The following ELAC2 variants were observed in gnomAD, a reference collection of about 807,000 sequenced individuals.
ELAC2 encodes the protein zinc phosphodiesterase ELAC protein 2.
A neutral mutation model predicts 105.2 loss-of-function variants in ELAC2; 92 were observed. The ratio of observed to expected loss-of-function variants is 0.87; its 90% CI spans 0.74 to 1.04. The LOEUF (loss-of-function observed/expected upper bound fraction) is 1.04, where lower values mean the gene tolerates loss of function less well. ELAC2 is among the 50% of genes least tolerant of loss of function. The probability of loss-of-function intolerance (pLI) is 0.00; values close to 1 mark genes in which losing one functional copy is unlikely to be tolerated. For missense variants in ELAC2, 1,099 were observed against 1,071.7 expected (o/e 1.03, Z -0.36); for synonymous variants, 468 against 409.1 (o/e 1.14, Z -1.74).
intron 16 of ELAC2, among the ~76,000 whole-genome samples, chr17:12,998,152 C>T (rs1018698979): frequency 6.6e-6 from 1 of 152,180 alleles, no homozygotes; most frequent in South Asian, 2.1e-4. Context: ...AATTTCTTAG[C>T]TAGGTGTACT....
chr17:13,012,848 T>C (rs549907159), intron 6 of ELAC2, among the ~76,000 whole-genome samples: 3 of 152,306 alleles, frequency 2.0e-5, no homozygotes, highest in Admixed American at 1.3e-4. Context: ...TCATTATTTA[T>C]TTAAAAAAAT....
intron 14 of ELAC2, 37 bp downstream of exon 14, chr17:13,002,237 G>T: frequency 6.2e-7 from 1 of 1,608,692 alleles, no homozygotes; most frequent in South Asian, 1.1e-5. Flanking sequence ...TTCCCAACTC[G>T]ACTGAGACGA....
At position 12,991,632 on chromosome 17, in the gene ELAC2, T is replaced by C. The variant is rs2040157985; in HGVS notation, c.*1186A>G. On this transcript the variant is annotated 3_prime_UTR_variant, in exon 24 of 24. Transcript: ENST00000338034. ...AAAAGTAACGTTATTAAAATAGATT[T>C]ATTATCCCTGAGCTTGGCATCTGTT... is the stretch of plus-strand genomic sequence containing the variant. 1 of 188,300 alleles carries C rather than the reference T, an allele frequency of 5.3e-6. No individual in the cohort carries two copies. The highest frequency in any genetic ancestry group is 1.9e-4 in the South Asian group (1 of 5,130). 11.7% of individuals were successfully genotyped at this position (188,300 alleles called of 1,614,324 possible).
intron 10 of ELAC2, among the ~76,000 whole-genome samples, chr17:13,005,507 T>C (rs990865845): frequency 6.6e-6 from 1 of 152,164 alleles, no homozygotes; most frequent in South Asian, 2.1e-4. Context: ...AAGGAAAGCA[T>C]GCACCCTTTA....
At position 13,017,643 on chromosome 17, in the gene ELAC2, T is replaced by A. The variant is rs1598280056; in HGVS notation, c.245+60A>T. On this transcript the variant is annotated intron_variant, in intron 1 of 23. Coordinates refer to ENST00000338034, the MANE Select transcript of ELAC2 (RefSeq NM_018127.7). ...GCCGAAGCCCTGGGAGGTGCCCCGA[T>A]GCTCAGAGGCTGCGCCGCACTGAGG... The A allele has an allele frequency of 2.5e-6, 4 of 1,611,272 alleles. No individual in the cohort carries two copies. The South Asian group carries it at 3.3e-5, about 13-fold the overall frequency.
chr17:12,998,939 C>T (rs138824838), intron 15 of ELAC2, among the ~76,000 whole-genome samples: 11 of 152,300 alleles, frequency 7.2e-5, no homozygotes, highest in East Asian at 3.9e-4. Flanking sequence ...CCCGCAGAAC[C>T]GTGAACTAAA....
intron 23 of ELAC2, among the ~76,000 whole-genome samples, 185 bp from the exon 24 acceptor site, chr17:12,993,230 G>T (rs1291968597): frequency 6.6e-6 from 1 of 152,226 alleles, no homozygotes; most frequent in African/African-American, 2.4e-5. Context: ...AGGGGCAGAG[G>T]CTCCCCAGGC....
intron 8 of ELAC2, among the ~76,000 whole-genome samples, chr17:13,008,657 G>A (rs941686591): frequency 2.0e-5 from 3 of 152,134 alleles, no homozygotes; most frequent in African/African-American, 7.2e-5. Context: ...AGCCAATAAC[G>A]CCCCAACAGT....
chr17:13,010,154 T>C (rs1193484972), intron 8 of ELAC2, among the ~76,000 whole-genome samples: 1 of 151,294 alleles, frequency 6.6e-6, no homozygotes, highest in African/African-American at 2.4e-5. Context: ...TGCAGGCTCA[T>C]TGCCAGTGTC....
chr17:12,993,729 G>A lies in ELAC2; in HGVS notation c.2211C>T (p.Pro737=). Residue 737 remains proline, a synonymous_variant, in exon 23 of 24, where the codon CCC becomes CCT. Coordinates refer to ENST00000338034, the MANE Select transcript of ELAC2 (RefSeq NM_018127.7). ...CAACTCCCACTTTCTCGCTGAAGTTGGGGCTGAAGAGGGGGACCTTGGCAT... is the reference window on the plus strand; with the variant it reads ...CAACTCCCACTTTCTCGCTGAAGTTAGGGCTGAAGAGGGGGACCTTGGCAT... The part of the protein sequence containing the change: ...QRYAKVPLFS[P]NFSEKVGVAF... 1 of 1,614,170 alleles carries A rather than the reference G, an allele frequency of 6.2e-7. No homozygotes were observed. Among genetic ancestry groups the A allele is most frequent in the South Asian group, 1.1e-5 (1 of 91,084 alleles).
chr17:12,993,114 G>A, intron 23 of ELAC2, 69 bp from the exon 24 acceptor site: 1 of 1,494,046 alleles, frequency 6.7e-7, no homozygotes, highest in Non-Finnish European at 9.2e-7. Context: ...AGCTGGAAGG[G>A]ATGCAGTCAT....
At position 13,012,655 on chromosome 17, in the gene ELAC2, G is replaced by A. The variant is rs529542741; in HGVS notation, c.559+552C>T. Among the ~76,000 whole-genome samples, 3 of 152,222 alleles carry A rather than the reference G, an allele frequency of 2.0e-5. No homozygotes were observed. The South Asian group carries it at 6.2e-4, about 32-fold the overall frequency. ...CATCACATTAGTTAGTACTAACAAG[G>A]AAATACCCCTACTGCTTGGTACTCT... is the stretch of plus-strand genomic sequence containing the variant. On this transcript the variant is annotated intron_variant, in intron 6 of 23. Transcript: ENST00000338034.
chr17:13,007,473 G>A (rs8078952), intron 8 of ELAC2, among the ~76,000 whole-genome samples: 28,850 of 152,108 alleles, frequency 0.19, 2,785 homozygotes, highest in African/African-American at 0.23. Context: ...ATCACACAGT[G>A]ATGATTGATG....
At chr17:12,999,508 G>C (rs550061721) in intron 15 of ELAC2, among the ~76,000 whole-genome samples, 1 of 152,244 alleles carries the variant, frequency 6.6e-6, no homozygotes, top group Non-Finnish European at 1.5e-5. Context: ...ATTTGCATCC[G>C]CAAAGCCAGG....
Position 13,005,111 on chromosome 17 carries a change from C to A in ELAC2, c.871-10G>T. The stretch of plus-strand genomic sequence containing the variant: ...GCTCTTCAGCCAAAATCTGCAAAAC[C>A]AAATAAGCCCGCCCACTGGGGGTCA... On this transcript the variant is annotated splice_polypyrimidine_tract_variant and intron_variant, in intron 10 of 23. Coordinates refer to ENST00000338034, the MANE Select transcript of ELAC2 (RefSeq NM_018127.7). The A allele has an allele frequency of 6.2e-7, 1 of 1,603,606 alleles. No individual in the cohort carries two copies. The highest frequency in any genetic ancestry group is 1.1e-5 in the South Asian group (1 of 90,856).
chr17:13,008,093 C>A (rs1290914249), intron 8 of ELAC2, among the ~76,000 whole-genome samples: 2 of 151,334 alleles, frequency 1.3e-5, no homozygotes, highest in Admixed American at 6.6e-5. Flanking sequence ...CCCAGCTACA[C>A]GGGAGGCTGA....
chr17:13,001,291 G>A (rs2040794136), intron 14 of ELAC2, among the ~76,000 whole-genome samples: 2 of 139,976 alleles, frequency 1.4e-5, no homozygotes, highest in Non-Finnish European at 1.6e-5. Context: ...TCAGGAGTTC[G>A]AGACCAGCCT....
Position 13,005,066 on chromosome 17 carries a change from A to G in ELAC2, c.906T>C (p.Pro302=). 3 of 1,614,230 alleles carry G rather than the reference A, an allele frequency of 1.9e-6. No individual in the cohort carries two copies. The highest frequency in any genetic ancestry group is 2.5e-6 in the Non-Finnish European group (3 of 1,180,036). ...ATTCTACCACCACAAAAGCAGCACC[A>G]GGATCTGGAGGAGTACACAGCTCTT... ...LAEELCTPPD[P]GAAFVVVECP... is the part of the protein sequence containing the mutation. The change falls in exon 11 of 24, where the codon CCT becomes CCC. Residue 302 remains proline (P), a synonymous_variant. Transcript: ENST00000338034.
In ELAC2 at chr17:12,995,963, AG is replaced by A; in HGVS notation, c.1674del (p.Leu559CysfsTer46). The A allele has an allele frequency of 6.3e-7, 1 of 1,596,816 alleles. No individual in the cohort carries two copies. Among genetic ancestry groups the A allele is most frequent in the Non-Finnish European group, 8.5e-7 (1 of 1,170,320 alleles). On this transcript the variant is annotated frameshift_variant, in exon 18 of 24. Coordinates refer to ENST00000338034, the MANE Select transcript of ELAC2 (RefSeq NM_018127.7). LOFTEE classifies it high-confidence loss of function. ...HADHHTGLPS[I>X]LLQRERALAS... ...ACCAAGGCGCGTTCTCTCTGCAGCA[AG>A]ATACTTGGCAAGCCCTGGCAAGGAA...
Sources: allele counts gnomAD v4.1 joint callset (sites outside exome capture counted in the v4.1 genomes callset), GRCh38; gene constraint gnomAD v4.1.1; transcripts MANE v1.5; gene names NCBI Gene and HGNC (gene_info 2026-07-23, HGNC 2026-07-21).